ATXN1: variants seen among roughly 807,000 people sequenced by gnomAD.
ATXN1 encodes the protein ataxin-1.
ATXN1 carries 8 observed loss-of-function variants against 56.4 expected under a neutral mutation model. That is an observed-to-expected ratio of 0.14 (90% CI 0.08 to 0.26). The LOEUF (loss-of-function observed/expected upper bound fraction) is 0.26, where lower values mean the gene tolerates loss of function less well. ATXN1 is among the 10% of genes least tolerant of loss of function. The probability of loss-of-function intolerance (pLI) is 1.00; values close to 1 mark genes in which losing one functional copy is unlikely to be tolerated. For synonymous variants in ATXN1, 514 were observed against 494.6 expected (o/e 1.04, Z -0.52); for missense variants, 987 against 1,106.5 (o/e 0.89, Z 1.53).
At chr6:16,580,105 A>G (rs543076202) in intron 4 of ATXN1, among the ~76,000 whole-genome samples, 100 of 152,338 alleles carry the variant, frequency 6.6e-4, no homozygotes, top group African/African-American at 2.2e-3. Context: ...CAAATCTTAT[A>G]ACAGTTGTTT....
At chr6:16,330,481 C>T (rs1009636571) in intron 6 of ATXN1, among the ~76,000 whole-genome samples, 2 of 150,758 alleles carry the variant, frequency 1.3e-5, no homozygotes, top group African/African-American at 2.4e-5. Context: ...CCTGTGCCTC[C>T]TGGGCTCAAG....
chr6:16,577,226 T>C (rs1762439592), intron 4 of ATXN1, among the ~76,000 whole-genome samples: 2 of 152,122 alleles, frequency 1.3e-5, no homozygotes, highest in South Asian at 4.1e-4. Context: ...ATATTTACTA[T>C]AAAATCTTGT....
chr6:16,418,145 G>C (rs1239086754), intron 6 of ATXN1, among the ~76,000 whole-genome samples: 3 of 152,222 alleles, frequency 2.0e-5, no homozygotes, highest in Admixed American at 2.0e-4. Flanking sequence ...GCACATAATA[G>C]GTGCTTAAAA....
chr6:16,754,299 T>C (rs1169775595), intron 1 of ATXN1, among the ~76,000 whole-genome samples: 1 of 152,228 alleles, frequency 6.6e-6, no homozygotes, highest in Non-Finnish European at 1.5e-5. Context: ...CTTTGATTAC[T>C]GGAGCTGATC....
chr6:16,338,272 T>C (rs576583321), intron 6 of ATXN1, among the ~76,000 whole-genome samples: 2 of 152,112 alleles, frequency 1.3e-5, no homozygotes, highest in Middle Eastern at 3.4e-3. Context: ...GGCGGGCGGA[T>C]TGCGAGGTCA....
chr6:16,505,606 G>T (rs918637273), intron 5 of ATXN1, among the ~76,000 whole-genome samples: 1 of 152,198 alleles, frequency 6.6e-6, no homozygotes, highest in Non-Finnish European at 1.5e-5. Flanking sequence ...AGCCAGGCTT[G>T]CTGGAAAAGC....
intron 6 of ATXN1, among the ~76,000 whole-genome samples, chr6:16,429,027 A>G (rs1440327689): frequency 6.8e-6 from 1 of 147,988 alleles, no homozygotes; most frequent in Non-Finnish European, 1.5e-5. Flanking sequence ...ATAGGCTGCC[A>G]GTGGAGCAGT....
chr6:16,514,981 CAAAATAATAATAATAAT>C (rs1273666705), intron 5 of ATXN1, among the ~76,000 whole-genome samples: 16 of 150,558 alleles, frequency 1.1e-4, no homozygotes, highest in African/African-American at 2.9e-4. Context: ...GGCTCTGTCT[CAAAATAATAATAATAAT>C]AATAATTAAT....
At chr6:16,701,273 C>T (rs781662571) in intron 2 of ATXN1, among the ~76,000 whole-genome samples, 2 of 152,220 alleles carry the variant, frequency 1.3e-5, no homozygotes, top group East Asian at 1.9e-4. Context: ...CAGGGAATGG[C>T]GCTCAGGCGA....
chr6:16,586,355 C>T (rs890194255), intron 3 of ATXN1, among the ~76,000 whole-genome samples: 10 of 152,228 alleles, frequency 6.6e-5, no homozygotes, highest in Admixed American at 6.5e-4. Flanking sequence ...TATGCAAATT[C>T]AGTGCATGTA....
At chr6:16,745,650 G>A (rs1437983544) in intron 2 of ATXN1, among the ~76,000 whole-genome samples, 1 of 152,160 alleles carries the variant, frequency 6.6e-6, no homozygotes, top group Non-Finnish European at 1.5e-5. Flanking sequence ...GTCATGTGTA[G>A]TAAACACTCT....
At chr6:16,758,152 TG>T (rs1330182813) in intron 1 of ATXN1, among the ~76,000 whole-genome samples, 1 of 152,256 alleles carries the variant, frequency 6.6e-6, no homozygotes, top group Non-Finnish European at 1.5e-5. Flanking sequence ...TTTGTTATGA[TG>T]GCTGTCAAGT....
At chr6:16,603,221 G>A (rs1762943619) in intron 3 of ATXN1, among the ~76,000 whole-genome samples, 1 of 152,194 alleles carries the variant, frequency 6.6e-6, no homozygotes. Context: ...GCTAAAGGCA[G>A]GTCTGAGGTT....
At chr6:16,357,727 A>G (rs990914848) in intron 6 of ATXN1, among the ~76,000 whole-genome samples, 1 of 152,170 alleles carries the variant, frequency 6.6e-6, no homozygotes, top group African/African-American at 2.4e-5. Context: ...GCGACAATAA[A>G]CATGGAAGAG....
chr6:16,379,940 T>C (rs1035574421), intron 6 of ATXN1, among the ~76,000 whole-genome samples: 3 of 152,046 alleles, frequency 2.0e-5, no homozygotes, highest in African/African-American at 2.4e-5. Context: ...AGGAACAAAA[T>C]AGGAAACTTA....
chr6:16,626,593 G>A (rs1264221519), intron 3 of ATXN1, among the ~76,000 whole-genome samples: 1 of 152,152 alleles, frequency 6.6e-6, no homozygotes, highest in Non-Finnish European at 1.5e-5. Context: ...ACTGCGCCCA[G>A]CTGGTTTAAT....
intron 4 of ATXN1, among the ~76,000 whole-genome samples, chr6:16,579,438 G>A (rs1458163461): frequency 7.3e-6 from 1 of 137,108 alleles, no homozygotes; most frequent in Non-Finnish European, 1.5e-5. Flanking sequence ...TGTTACAGAT[G>A]GAGAACTTGG....
chr6:16,751,376 C>T (rs1275795216), intron 2 of ATXN1, among the ~76,000 whole-genome samples: 1 of 152,174 alleles, frequency 6.6e-6, no homozygotes, highest in Non-Finnish European at 1.5e-5. Flanking sequence ...TAATCCACAG[C>T]CAATAAAATG....
At chr6:16,745,938 G>A (rs200918464) in intron 2 of ATXN1, among the ~76,000 whole-genome samples, 8,096 of 57,428 alleles carry the variant, frequency 0.14, 422 homozygotes, top group East Asian at 0.49. Context: ...CCTTCCGTGT[G>A]TGTGTGTGTG....
Sources: gnomAD v4.1 joint callset for allele counts (sites outside exome capture counted in the v4.1 genomes callset) on GRCh38, gnomAD v4.1.1 for gene constraint, MANE v1.5 for transcripts, NCBI Gene and HGNC (gene_info 2026-07-23, HGNC 2026-07-21) for gene names.